KCNN3: variants seen among roughly 807,000 people sequenced by gnomAD.
KCNN3 encodes potassium calcium-activated channel subfamily N member 3, also known as small conductance calcium-activated potassium channel protein 3.
Under a neutral mutation model 62.9 loss-of-function variants are expected in KCNN3, and 16 were observed. The ratio of observed to expected loss-of-function variants is 0.25; its 90% CI spans 0.17 to 0.39. KCNN3 has a LOEUF of 0.39. KCNN3 is among the 10% of genes least tolerant of loss of function. KCNN3 has a pLI of 1.00. For missense variants in KCNN3, 599 were observed against 949.4 expected (o/e 0.63, Z 4.85); for synonymous variants, 370 against 389.2 (o/e 0.95, Z 0.58).
intron 5 of KCNN3, among the ~76,000 whole-genome samples, chr1:154,724,156 C>G (rs1007807011): frequency 2.0e-5 from 3 of 152,170 alleles, no homozygotes; most frequent in Admixed American, 2.0e-4. Context: ...AATCAAAGAC[C>G]AAACAATCAA....
chr1:154,853,393 T>C (rs1019544914), intron 1 of KCNN3, among the ~76,000 whole-genome samples: 1 of 152,214 alleles, frequency 6.6e-6, no homozygotes, highest in Admixed American at 6.5e-5. Flanking sequence ...TGGAGTGCAG[T>C]GGCACGATCA....
At chr1:154,861,921 G>A (rs1652786648) in intron 1 of KCNN3, among the ~76,000 whole-genome samples, 1 of 152,220 alleles carries the variant, frequency 6.6e-6, no homozygotes, top group Admixed American at 6.5e-5. Flanking sequence ...CAAGCTGGAA[G>A]CAAGAGGCAG....
chr1:154,790,646 G>C (rs899492965), intron 2 of KCNN3, among the ~76,000 whole-genome samples: 1 of 152,168 alleles, frequency 6.6e-6, no homozygotes, highest in Non-Finnish European at 1.5e-5. Context: ...ACTAGCCCAG[G>C]AAAAGATCAA....
intron 2 of KCNN3, among the ~76,000 whole-genome samples, chr1:154,821,509 T>C (rs1254720274): frequency 6.6e-6 from 1 of 152,188 alleles, no homozygotes; most frequent in Non-Finnish European, 1.5e-5. Context: ...CCAATGTTTC[T>C]CTGGGTACCA....
At chr1:154,793,419 G>T (rs918965894) in intron 2 of KCNN3, among the ~76,000 whole-genome samples, 2 of 152,152 alleles carry the variant, frequency 1.3e-5, no homozygotes, top group Non-Finnish European at 2.9e-5. Flanking sequence ...GAGGGATGTC[G>T]GGGGCATGGG....
intron 2 of KCNN3, among the ~76,000 whole-genome samples, chr1:154,794,362 T>G (rs1649639302): frequency 6.6e-6 from 1 of 152,158 alleles, no homozygotes; most frequent in South Asian, 2.1e-4. Context: ...AAACACTTGA[T>G]GAATGAAAAA....
At chr1:154,709,599 A>C (rs1220702791) in intron 7 of KCNN3, among the ~76,000 whole-genome samples, 1 of 152,148 alleles carries the variant, frequency 6.6e-6, no homozygotes, top group Non-Finnish European at 1.5e-5. Flanking sequence ...AGCAGACTAC[A>C]GGCCCCATGA....
intron 1 of KCNN3, among the ~76,000 whole-genome samples, chr1:154,845,294 T>G (rs1306003363): frequency 6.6e-6 from 1 of 152,132 alleles, no homozygotes; most frequent in South Asian, 2.1e-4. Context: ...TCCTGCCAAC[T>G]CCTCAGCATC....
At chr1:154,868,918 CTCTCTCTCTCTCTCTCTCAA>C (rs1177908219) in intron 1 of KCNN3, 94 bp downstream of exon 1, 2 of 1,036,796 alleles carry the variant, frequency 1.9e-6, no homozygotes, top group Non-Finnish European at 3.0e-6. Flanking sequence ...CTCTCTCTCT[CTCTCTCTCTCTCTCTCTCAA>C]TCTCTCTCTC....
intron 3 of KCNN3, among the ~76,000 whole-genome samples, chr1:154,747,237 T>G (rs1700957316): frequency 6.6e-6 from 1 of 152,106 alleles, no homozygotes; most frequent in Admixed American, 6.5e-5. Context: ...CCAGGGGTGG[T>G]GGGGGCAGCA....
intron 3 of KCNN3, among the ~76,000 whole-genome samples, chr1:154,744,925 C>CA (rs5777930): frequency 0.016 from 2,087 of 132,452 alleles, 55 homozygotes; most frequent in Admixed American, 0.061. Flanking sequence ...CACATTAAGG[C>CA]AAAAAAAAAA....
chr1:154,839,260 C>T (rs114882611), intron 1 of KCNN3, among the ~76,000 whole-genome samples: 246 of 152,286 alleles, frequency 1.6e-3, no homozygotes, highest in African/African-American at 5.7e-3. Flanking sequence ...GTTGTGCTCC[C>T]TCCACCCCCA....
At chr1:154,867,237 G>T (rs994045371) in intron 1 of KCNN3, among the ~76,000 whole-genome samples, 3 of 152,210 alleles carry the variant, frequency 2.0e-5, no homozygotes, top group African/African-American at 7.2e-5. Flanking sequence ...CCCAGCAGGA[G>T]AGGCGGTTCT....
At chr1:154,714,229 G>C in intron 6 of KCNN3, among the ~76,000 whole-genome samples, 1 of 125,524 alleles carries the variant, frequency 8.0e-6, no homozygotes, top group Admixed American at 8.0e-5. Context: ...TGGTGTGTGT[G>C]GGGTGTGTGC....
chr1:154,755,020 A>G (rs778427712), intron 3 of KCNN3, among the ~76,000 whole-genome samples: 1 of 152,178 alleles, frequency 6.6e-6, no homozygotes, highest in Non-Finnish European at 1.5e-5. Flanking sequence ...CTACACCGCC[A>G]CCACCGCCCT....
intron 1 of KCNN3, among the ~76,000 whole-genome samples, chr1:154,830,639 T>C (rs1486609291): frequency 6.6e-6 from 1 of 152,182 alleles, no homozygotes. Context: ...CCCTGGAGCA[T>C]TTCCCTGGAT....
intron 1 of KCNN3, among the ~76,000 whole-genome samples, chr1:154,855,218 AAAAT>A (rs57512838): frequency 1.1e-3 from 167 of 149,364 alleles, no homozygotes; most frequent in East Asian, 0.011. Flanking sequence ...ACTCTGTCTC[AAAAT>A]AAATAAATAA....
chr1:154,720,836 G>A (rs899879169), intron 5 of KCNN3, among the ~76,000 whole-genome samples: 6 of 152,190 alleles, frequency 3.9e-5, no homozygotes, highest in South Asian at 2.1e-4. Flanking sequence ...AGAAGATGGC[G>A]GCTTCAAGAG....
intron 2 of KCNN3, among the ~76,000 whole-genome samples, chr1:154,818,408 G>A (rs568638710): frequency 6.6e-6 from 1 of 152,242 alleles, no homozygotes; most frequent in Non-Finnish European, 1.5e-5. Flanking sequence ...CTCCGTCACA[G>A]TAGCACACAC....
Sources: gnomAD v4.1 joint callset for allele counts (sites outside exome capture counted in the v4.1 genomes callset) on GRCh38, gnomAD v4.1.1 for gene constraint, MANE v1.5 for transcripts, NCBI Gene and HGNC (gene_info 2026-07-23, HGNC 2026-07-21) for gene names.